The following FARS2 variants were observed in gnomAD, a reference collection of about 807,000 sequenced individuals.
FARS2 encodes the protein phenylalanine--tRNA ligase, mitochondrial.
In FARS2, 40 loss-of-function variants were observed where a neutral mutation model predicts 46.4. The ratio of observed to expected loss-of-function variants is 0.86; its 90% CI spans 0.67 to 1.12. The LOEUF (loss-of-function observed/expected upper bound fraction) is 1.12. FARS2 is among the 50% of genes most tolerant of loss of function. FARS2 has a pLI of 0.00. For synonymous variants in FARS2, 234 were observed against 214.9 expected (o/e 1.09, Z -0.78); for missense variants, 513 against 567.9 (o/e 0.90, Z 0.98).
At chr6:5,487,784 A>G (rs395394) in intron 4 of FARS2, among the ~76,000 whole-genome samples, 30,438 of 152,118 alleles carry the variant, frequency 0.2, 3,333 homozygotes, top group African/African-American at 0.26. Context: ...ACCTTTGGTC[A>G]TTGACATACC....
chr6:5,651,485 G>A (rs919343813), intron 6 of FARS2, among the ~76,000 whole-genome samples: 10 of 152,162 alleles, frequency 6.6e-5, no homozygotes, highest in African/African-American at 1.9e-4. Flanking sequence ...CCACCAAAAC[G>A]AGAAGTAAGC....
At chr6:5,713,898 T>A (rs1759334950) in intron 6 of FARS2, among the ~76,000 whole-genome samples, 1 of 152,232 alleles carries the variant, frequency 6.6e-6, no homozygotes, top group African/African-American at 2.4e-5. Context: ...TCCAAAGACA[T>A]GAAATTTAGT....
intron 5 of FARS2, among the ~76,000 whole-genome samples, chr6:5,599,031 G>A (rs1582545796): frequency 6.6e-6 from 1 of 152,202 alleles, no homozygotes; most frequent in South Asian, 2.1e-4. Context: ...TTACCTTGCA[G>A]CATATAGAGT....
chr6:5,615,656 G>A (rs1485666209), intron 6 of FARS2, among the ~76,000 whole-genome samples: 1 of 151,618 alleles, frequency 6.6e-6, no homozygotes, highest in Non-Finnish European at 1.5e-5. Context: ...TTTTTTAATT[G>A]ATCTGTCAGT....
rs561864071 is a variant in FARS2 at position 5,499,054 on chromosome 6, C to T, written c.905-46126C>T. ...CTGGGATTACAGGCATGCACCACCA[C>T]GCCCAGCAAATTTTTGTATCTTTAG... On this transcript the variant is annotated intron_variant, in intron 4 of 6. Transcript: ENST00000274680. 5.1e-4 allele frequency among the ~76,000 whole-genome samples: 78 copies of T among 152,280 alleles called. 1 individual carries two copies. The highest frequency in any genetic ancestry group is 6.8e-3 in the Middle Eastern group (2 of 294).
chr6:5,321,397 G>A (rs1769963832), intron 1 of FARS2, among the ~76,000 whole-genome samples: 1 of 152,176 alleles, frequency 6.6e-6, no homozygotes, highest in African/African-American at 2.4e-5. Flanking sequence ...TGGGGCTTCT[G>A]CATGAAGAGG....
At chr6:5,397,087 G>A (rs1760951091) in intron 2 of FARS2, among the ~76,000 whole-genome samples, 1 of 152,176 alleles carries the variant, frequency 6.6e-6, no homozygotes, top group African/African-American at 2.4e-5. Flanking sequence ...TCTCAAATAC[G>A]TATAAGTAAT....
In FARS2 at chr6:5,301,621, C is replaced by T. The variant is rs58538449; in HGVS notation, c.-22+39961C>T. ...TAAGGGAAGCAATTGTGAAATCATT[C>T]CCTTCTATCAAGAGCAGTTTGCATT... On this transcript the variant is annotated intron_variant, in intron 1 of 6. Transcript: ENST00000274680. 5.5e-3 allele frequency among the ~76,000 whole-genome samples: 841 copies of T among 152,190 alleles called. 13 individuals carry two copies. Among genetic ancestry groups the T allele is most frequent in the African/African-American group, 0.019 (798 of 41,520 alleles).
chr6:5,455,067 C>G (rs563797470), intron 4 of FARS2, among the ~76,000 whole-genome samples: 2 of 152,318 alleles, frequency 1.3e-5, no homozygotes, highest in South Asian at 4.1e-4. Flanking sequence ...TGCTGACCCA[C>G]CAGCATCTAG....
chr6:5,331,517 T>A (rs1770798054), intron 1 of FARS2, among the ~76,000 whole-genome samples: 3 of 152,214 alleles, frequency 2.0e-5, no homozygotes, highest in African/African-American at 7.2e-5. Context: ...TGGTGTCTTG[T>A]TCACATTTGT....
intron 1 of FARS2, among the ~76,000 whole-genome samples, chr6:5,323,387 A>T (rs1770122317): frequency 6.6e-6 from 1 of 152,114 alleles, no homozygotes; most frequent in Non-Finnish European, 1.5e-5. Flanking sequence ...CTTGGACTTA[A>T]CCTTCTTTGT....
chr6:5,263,976 T>C (rs7758400), intron 1 of FARS2, among the ~76,000 whole-genome samples: 57,493 of 152,048 alleles, frequency 0.38, 13,712 homozygotes, highest in African/African-American at 0.68. Context: ...CTTTGGGAGG[T>C]TGAGGCAGGT....
At chr6:5,410,063 A>C (rs1326814230) in intron 3 of FARS2, among the ~76,000 whole-genome samples, 1 of 152,024 alleles carries the variant, frequency 6.6e-6, no homozygotes, top group East Asian at 1.9e-4. Flanking sequence ...TGCTTCCTTC[A>C]TGCTCACACT....
At position 5,752,165 on chromosome 6, in the gene FARS2, G is replaced by A. The variant is rs186266116; in HGVS notation, c.1218-19126G>A. 2.0e-5 allele frequency among the ~76,000 whole-genome samples: 3 copies of A among 152,242 alleles called. No individual in the cohort carries two copies. The East Asian group carries it at 5.8e-4, about 29-fold the overall frequency. ...TAACCAATACATCAGGGTGTCCAGCGCTCTGTTTCTCCCCCGCCCCCATCA... is the reference window on the plus strand; with the variant it reads ...TAACCAATACATCAGGGTGTCCAGCACTCTGTTTCTCCCCCGCCCCCATCA... On this transcript the variant is annotated intron_variant, in intron 6 of 6. Coordinates refer to ENST00000274680, the MANE Select transcript of FARS2 (RefSeq NM_006567.5).
chr6:5,380,814 G>C (rs1759711006), intron 2 of FARS2, among the ~76,000 whole-genome samples: 2 of 151,980 alleles, frequency 1.3e-5, no homozygotes, highest in Non-Finnish European at 2.9e-5. Context: ...CTGCAAAATT[G>C]TAAACTTTTG....
chr6:5,666,870 G>A (rs12662009), intron 6 of FARS2, among the ~76,000 whole-genome samples: 88,699 of 152,106 alleles, frequency 0.58, 26,952 homozygotes, highest in African/African-American at 0.75. Context: ...CATATGCACC[G>A]TGGAATACTA....
intron 1 of FARS2, among the ~76,000 whole-genome samples, chr6:5,326,911 T>G (rs1395769273): frequency 2.6e-5 from 4 of 152,222 alleles, no homozygotes; most frequent in African/African-American, 9.6e-5. Context: ...TACTCTTCTA[T>G]TCAACTAATT....
At position 5,764,004 on chromosome 6, in the gene FARS2, C is replaced by T. The variant is rs879593881; in HGVS notation, c.1218-7287C>T. Among the ~76,000 whole-genome samples, 2 of 152,032 alleles carry T rather than the reference C, an allele frequency of 1.3e-5. No homozygotes were observed. The highest frequency in any genetic ancestry group is 2.9e-5 in the Non-Finnish European group (2 of 68,008). Reference sequence around the variant, plus strand: ...AGAAACACAGGAAATACAAGTCCCTCACCCCCACAGCCTCATTACACTCTC... The same window carrying T: ...AGAAACACAGGAAATACAAGTCCCTTACCCCCACAGCCTCATTACACTCTC... On this transcript the variant is annotated intron_variant, in intron 6 of 6. Coordinates refer to ENST00000274680, the MANE Select transcript of FARS2 (RefSeq NM_006567.5). The surrounding 1 kb of genome is among the most constrained non-coding windows in gnomAD (Gnocchi z 4.1).
intron 6 of FARS2, among the ~76,000 whole-genome samples, chr6:5,687,273 C>T (rs1334429242): frequency 1.3e-5 from 2 of 152,276 alleles, no homozygotes; most frequent in East Asian, 3.9e-4. Context: ...AGTCCTTGCC[C>T]ATGCCTATGC....
Sources: allele counts gnomAD v4.1 joint callset (sites outside exome capture counted in the v4.1 genomes callset), GRCh38; gene constraint gnomAD v4.1.1; non-coding constraint Gnocchi (gnomAD v3.1); transcripts MANE v1.5; gene names NCBI Gene and HGNC (gene_info 2026-07-23, HGNC 2026-07-21).